CABIN1: variants seen among roughly 807,000 people sequenced by gnomAD.
CABIN1 encodes the protein calcineurin binding protein 1, also known as calcineurin-binding protein cabin-1.
A neutral mutation model predicts 227.7 loss-of-function variants in CABIN1; 133 were observed. The observed-to-expected ratio is 0.58, with a 90% CI of 0.51 to 0.67. The LOEUF (loss-of-function observed/expected upper bound fraction) is 0.67. CABIN1 is among the 30% of genes least tolerant of loss of function. The pLI is 0.00. For synonymous variants in CABIN1, 1,086 were observed against 1,155.1 expected, an observed-to-expected ratio of 0.94 and a Z score of 1.21; for missense variants, 2,408 against 2,852.5, an observed-to-expected ratio of 0.84 and a Z score of 3.55.
chr22:24,045,029 CCCG>C (rs1412439942), intron 6 of CABIN1, among the ~76,000 whole-genome samples: 1 of 151,908 alleles, frequency 6.6e-6, no homozygotes, highest in Non-Finnish European at 1.5e-5. Context: ...ATGCCATTCT[CCCG>C]CCTCAGCCTC....
chr22:24,051,190 C>T (rs1219779360), intron 8 of CABIN1, among the ~76,000 whole-genome samples: 2 of 152,162 alleles, frequency 1.3e-5, no homozygotes, highest in Non-Finnish European at 2.9e-5. Flanking sequence ...GTCTCAGTCC[C>T]TTTTTGCTGT....
intron 16 of CABIN1, among the ~76,000 whole-genome samples, chr22:24,068,156 C>G (rs568199004): frequency 1.3e-5 from 2 of 152,230 alleles, no homozygotes; most frequent in South Asian, 4.1e-4. Context: ...GGAAGCACCT[C>G]AGTCATGGGG....
At chr22:24,019,025 T>A (rs1208141282) in intron 1 of CABIN1, among the ~76,000 whole-genome samples, 3 of 152,028 alleles carry the variant, frequency 2.0e-5, no homozygotes, top group Non-Finnish European at 4.4e-5. Context: ...AAATGGGATT[T>A]TTCTCTACCA....
rs148430865 is a variant in CABIN1 at position 24,102,752 on chromosome 22, G to A, written c.4117+4560G>A. On this transcript the variant is annotated intron_variant, in intron 26 of 36. Coordinates refer to ENST00000263119, the MANE Select transcript of CABIN1 (RefSeq NM_012295.4). ...AGAAGAGTGGGAGCCTTGGAGGCTG[G>A]TATCCACCAAGGGTGGTGATGCCTA... Among the ~76,000 whole-genome samples the A allele has an allele frequency of 1.1e-4, 17 of 152,242 alleles. No individual in the cohort carries two copies. In the East Asian group the frequency reaches 2.9e-3, roughly 26 times the overall value.
Position 24,049,087 on chromosome 22 carries a change from C to G in CABIN1, c.527-4C>G, listed in dbSNP as rs948481903. The G allele has an allele frequency of 6.2e-7, 1 of 1,613,894 alleles. No homozygotes were observed. Among genetic ancestry groups the G allele is most frequent in the Non-Finnish European group, 8.5e-7 (1 of 1,179,966 alleles). ...AAGTCATAAACTGTCTCTTTCCCCG[C>G]CAGCATGTCTGTACTTCATCTGCAA... On this transcript the variant is annotated splice_polypyrimidine_tract_variant and splice_region_variant and intron_variant, in intron 6 of 36. Coordinates refer to ENST00000263119, the MANE Select transcript of CABIN1 (RefSeq NM_012295.4).
chr22:24,097,151 A>G (rs1275415928), intron 25 of CABIN1, among the ~76,000 whole-genome samples: 1 of 152,180 alleles, frequency 6.6e-6, no homozygotes, highest in African/African-American at 2.4e-5. Context: ...ACATACAATG[A>G]TACTTTCTTT....
At chr22:24,116,901 TGCCTGCGGCAGGCACCA>T (rs1297119669) in intron 27 of CABIN1, among the ~76,000 whole-genome samples, 1 of 152,264 alleles carries the variant, frequency 6.6e-6, no homozygotes, top group Non-Finnish European at 1.5e-5. Context: ...CAGTCTTCCC[TGCCTGCGGCAGGCACCA>T]GCCTAGGCTA....
At chr22:24,100,064 T>C (rs2042114387) in intron 26 of CABIN1, among the ~76,000 whole-genome samples, 1 of 152,230 alleles carries the variant, frequency 6.6e-6, no homozygotes, top group Admixed American at 6.5e-5. Flanking sequence ...ATGCTAGTTA[T>C]TTGTTCTGGA....
intron 23 of CABIN1, among the ~76,000 whole-genome samples, chr22:24,090,191 A>G (rs1205580927): frequency 6.6e-6 from 1 of 152,208 alleles, no homozygotes; most frequent in Non-Finnish European, 1.5e-5. Context: ...GCCTCTTCCC[A>G]AGGGTCTGCA....
intron 14 of CABIN1, 44 bp from the exon 15 acceptor site, chr22:24,063,990 TC>T (rs774786023): frequency 9.3e-6 from 15 of 1,612,766 alleles, no homozygotes; most frequent in Non-Finnish European, 1.3e-5. Flanking sequence ...CACATCATAG[TC>T]AGTCTTCTGC....
intron 8 of CABIN1, 35 bp from the exon 9 acceptor site, chr22:24,054,838 G>A (rs372610867): frequency 1.2e-6 from 2 of 1,613,894 alleles, no homozygotes; most frequent in Non-Finnish European, 8.5e-7. Flanking sequence ...CCTCTGACAG[G>A]GTGGTGATCA....
chr22:24,027,247 T>G (rs2036160373), intron 1 of CABIN1, among the ~76,000 whole-genome samples: 2 of 152,236 alleles, frequency 1.3e-5, no homozygotes, highest in African/African-American at 2.4e-5. Flanking sequence ...CTAAACACAC[T>G]TAGAAGTTCT....
chr22:24,156,499 A>C, intron 29 of CABIN1: 1 of 164,968 alleles, frequency 6.1e-6, no homozygotes, highest in Admixed American at 6.4e-5. Flanking sequence ...CGCTGCGCGA[A>C]AGCGAAAGCC....
At chr22:24,175,584 C>T (rs2047058694) in intron 34 of CABIN1, among the ~76,000 whole-genome samples, 1 of 152,252 alleles carries the variant, frequency 6.6e-6, no homozygotes, top group South Asian at 2.1e-4. Flanking sequence ...ATTTGCCCCT[C>T]AGGCCCATCC....
chr22:24,055,260 C>A, intron 9 of CABIN1, 101 bp downstream of exon 9: 1 of 1,333,140 alleles, frequency 7.5e-7, no homozygotes, highest in South Asian at 1.3e-5. Flanking sequence ...ACAGAAGGGT[C>A]ATGCTGATGC....
intron 29 of CABIN1, among the ~76,000 whole-genome samples, chr22:24,135,493 C>A (rs2044341160): frequency 6.6e-6 from 1 of 152,214 alleles, no homozygotes; most frequent in South Asian, 2.1e-4. Flanking sequence ...GGGCCAATCA[C>A]CTAGGCCTGC....
intron 29 of CABIN1, among the ~76,000 whole-genome samples, chr22:24,142,379 G>A (rs890933460): frequency 1.3e-5 from 2 of 151,680 alleles, no homozygotes; most frequent in African/African-American, 2.4e-5. Context: ...TCCCTAGGAC[G>A]AATGACTGGG....
At chr22:24,054,472 A>G (rs2038621891) in intron 8 of CABIN1, among the ~76,000 whole-genome samples, 1 of 152,202 alleles carries the variant, frequency 6.6e-6, no homozygotes, top group Non-Finnish European at 1.5e-5. Flanking sequence ...GGCTCTCCGC[A>G]TAAAACAGAT....
At chr22:24,021,378 G>A (rs1354760681) in intron 1 of CABIN1, among the ~76,000 whole-genome samples, 3 of 152,234 alleles carry the variant, frequency 2.0e-5, no homozygotes, top group Non-Finnish European at 4.4e-5. Context: ...GGCTAGTCTC[G>A]AACTCTTGGG....
Sources: allele counts gnomAD v4.1 joint callset (sites outside exome capture counted in the v4.1 genomes callset), GRCh38; gene constraint gnomAD v4.1.1; transcripts MANE v1.5; gene names NCBI Gene and HGNC (gene_info 2026-07-23, HGNC 2026-07-21).